ABR: variants seen among roughly 807,000 people sequenced by gnomAD.
The protein encoded by ABR is active breakpoint cluster region-related protein.
A neutral mutation model predicts 107.2 loss-of-function variants in ABR; 35 were observed. The observed-to-expected ratio is 0.33, with a 90% CI of 0.25 to 0.43. The LOEUF is 0.43. ABR is among the 20% of genes least tolerant of loss of function. ABR has a pLI of 1.00. For synonymous variants in ABR, 498 were observed against 462.0 expected (o/e 1.08, Z -1.00); for missense variants, 815 against 1,115.2 (o/e 0.73, Z 3.83).
chr17:1,021,957 G>A (rs554921058), intron 16 of ABR, among the ~76,000 whole-genome samples: 14 of 151,480 alleles, frequency 9.2e-5, no homozygotes, highest in African/African-American at 2.4e-4. Flanking sequence ...TCAGGAGTTC[G>A]AGACCAGCCT....
intron 11 of ABR, 23 bp downstream of exon 11, chr17:1,058,722 G>T: frequency 1.2e-6 from 2 of 1,613,000 alleles, no homozygotes; most frequent in East Asian, 4.5e-5. Context: ...GGCTGTCTTG[G>T]TCCCACCCCC....
chr17:1,179,272 G>A lies in ABR; in HGVS notation c.61+395C>T, dbSNP rs895851501. Among the ~76,000 whole-genome samples, 1 of 152,028 alleles carries A rather than the reference G, an allele frequency of 6.6e-6. No homozygotes were observed. The highest frequency in any genetic ancestry group is 2.4e-5 in the African/African-American group (1 of 41,408). ...CGGCCTTTCGGCTTCAGCCTGGACAGAGAAGCTGCCGGTCCAGGGGCGGGG... is the reference window on the plus strand; with the variant it reads ...CGGCCTTTCGGCTTCAGCCTGGACAAAGAAGCTGCCGGTCCAGGGGCGGGG... On this transcript the variant is annotated intron_variant, in intron 1 of 22. Transcript: ENST00000302538. The surrounding 1 kb of genome is among the most constrained non-coding windows in gnomAD (Gnocchi z 4.9).
At chr17:1,026,688 C>T (rs547461995) in intron 16 of ABR, among the ~76,000 whole-genome samples, 4 of 152,284 alleles carry the variant, frequency 2.6e-5, no homozygotes, top group Admixed American at 6.5e-5. Flanking sequence ...AGGTCACAGG[C>T]GCAGGGGACT....
At chr17:1,008,649 C>T (rs1010664427) in intron 21 of ABR, among the ~76,000 whole-genome samples, 7 of 152,382 alleles carry the variant, frequency 4.6e-5, no homozygotes, top group South Asian at 2.1e-4. Context: ...GCCCCGGGCG[C>T]GTCCAGGTCT....
chr17:1,201,795 G>A (rs1277775633), intron 1 of ABR, among the ~76,000 whole-genome samples: 3 of 152,040 alleles, frequency 2.0e-5, no homozygotes, highest in African/African-American at 7.3e-5. Flanking sequence ...TCCTGCCTCA[G>A]CCTCCTGAGT....
chr17:1,130,444 A>C (rs527366464), intron 1 of ABR, among the ~76,000 whole-genome samples: 1 of 151,588 alleles, frequency 6.6e-6, no homozygotes, highest in South Asian at 2.1e-4. Flanking sequence ...GCCGGGTCAC[A>C]AATCAGACCG....
intron 16 of ABR, among the ~76,000 whole-genome samples, chr17:1,046,250 CGCCTCG>C (rs752512511): frequency 1.4e-4 from 19 of 133,424 alleles, no homozygotes; most frequent in Non-Finnish European, 2.5e-4. Context: ...CTAATCCGCC[CGCCTCG>C]GCCTCCCAAA....
intron 10 of ABR, among the ~76,000 whole-genome samples, chr17:1,065,394 CGCTGCTGTT>C: frequency 2.9e-5 from 2 of 69,128 alleles, no homozygotes; most frequent in South Asian, 7.0e-4. Flanking sequence ...TTCCTCTAGA[CGCTGCTGTT>C]ACGTGAACTG....
rs781153941 is a variant in ABR, at chr17:1,067,146, G to A, written c.1113C>T (p.Pro371=). ...TGTCCTCCAGCTCATGGTCTGGGAA[G>A]GGGTGCACCTGGGGGCTGGCCTCAG... ...EESEASPQVH[P]FPDHELEDMK... The change falls in exon 10 of 23, where the codon CCC becomes CCT. Residue 371 remains proline (P), a synonymous_variant. Coordinates refer to ENST00000302538, the MANE Select transcript of ABR (RefSeq NM_021962.5). The A allele has an allele frequency of 1.9e-6, 3 of 1,613,794 alleles. No individual in the cohort carries two copies. The highest frequency in any genetic ancestry group is 2.5e-6 in the Non-Finnish European group (3 of 1,179,964).
At chr17:1,104,506 G>A (rs986546278) in intron 2 of ABR, among the ~76,000 whole-genome samples, 10 of 152,166 alleles carry the variant, frequency 6.6e-5, no homozygotes, top group South Asian at 2.1e-4. Flanking sequence ...CTTCACAGAC[G>A]GTAGAAGTCA....
exon 1 of ABR, chr17:1,228,944 C>G (rs1302997245): frequency 6.6e-6 from 1 of 151,358 alleles, no homozygotes; most frequent in African/African-American, 2.4e-5. Flanking sequence ...GGGTCTCCTC[C>G]GCGGCGAGGG....
chr17:1,016,339 C>T (rs775254690), intron 16 of ABR, among the ~76,000 whole-genome samples: 4 of 139,226 alleles, frequency 2.9e-5, no homozygotes, highest in East Asian at 2.1e-4. Flanking sequence ...TTTTTTGAGA[C>T]GGAGTCTCGC....
intron 3 of ABR, among the ~76,000 whole-genome samples, chr17:1,098,747 A>G (rs531562268): frequency 2.0e-5 from 3 of 152,202 alleles, no homozygotes; most frequent in Non-Finnish European, 4.4e-5. Context: ...GTACACACAG[A>G]TAAACTCCTG....
At chr17:1,085,739 A>G (rs778979484) in intron 4 of ABR, among the ~76,000 whole-genome samples, 2 of 152,228 alleles carry the variant, frequency 1.3e-5, no homozygotes, top group Non-Finnish European at 2.9e-5. Flanking sequence ...AATGTAAATT[A>G]CCTCGTTAAT....
upstream of ABR, among the ~76,000 whole-genome samples, chr17:1,187,802 G>A (rs2042342111): frequency 6.6e-6 from 1 of 152,144 alleles, no homozygotes; most frequent in South Asian, 2.1e-4. Context: ...GCTGAGGCAG[G>A]AGAATCACTT....
chr17:1,162,351 A>AC (rs2041334121), intron 1 of ABR, among the ~76,000 whole-genome samples: 1 of 152,210 alleles, frequency 6.6e-6, no homozygotes, highest in African/African-American at 2.4e-5. Context: ...CTGCACCTAG[A>AC]CACAGCCTGG....
chr17:1,090,659 G>A (rs755795379), intron 4 of ABR, among the ~76,000 whole-genome samples: 8 of 152,244 alleles, frequency 5.3e-5, no homozygotes, highest in Non-Finnish European at 8.8e-5. Context: ...TCCTAGGAGT[G>A]TCCAGGCAGG....
At chr17:1,031,749 G>A in intron 16 of ABR, 7 of 1,237,010 alleles carry the variant, frequency 5.7e-6, no homozygotes, top group Non-Finnish European at 7.1e-6. Context: ...CATGCCGGGG[G>A]GGACGGGACG....
intron 3 of ABR, among the ~76,000 whole-genome samples, chr17:1,097,018 G>A (rs538903125): frequency 5.3e-4 from 81 of 152,116 alleles, no homozygotes; most frequent in Admixed American, 1.1e-3. Flanking sequence ...GGGAACCTGC[G>A]CCAGGCATAT....
Sources: allele counts gnomAD v4.1 joint callset (sites outside exome capture counted in the v4.1 genomes callset), GRCh38; gene constraint gnomAD v4.1.1; non-coding constraint Gnocchi (gnomAD v3.1); transcripts MANE v1.5; gene names NCBI Gene and HGNC (gene_info 2026-07-23, HGNC 2026-07-21).